RCC1: variants seen among roughly 807,000 people sequenced by gnomAD.
The protein encoded by RCC1 is regulator of chromosome condensation.
A neutral mutation model predicts 44.4 loss-of-function variants in RCC1; 11 were observed. The ratio of observed to expected loss-of-function variants is 0.25; its 90% CI spans 0.16 to 0.41. RCC1 has a LOEUF of 0.41. Ranked by LOEUF, RCC1 falls within the 10% of genes least tolerant of loss-of-function variation. The pLI is 1.00. For missense variants in RCC1, 386 were observed against 547.1 expected, an observed-to-expected ratio of 0.71 and a Z score of 2.94; for synonymous variants, 213 against 216.5, an observed-to-expected ratio of 0.98 and a Z score of 0.14.
chr1:28,508,742 C>CA (rs1379778856), intron 2 of RCC1, 88 bp from the exon 3 acceptor site: 1 of 516,562 alleles, frequency 1.9e-6, no homozygotes, highest in South Asian at 1.4e-5. Flanking sequence ...ACTGGGGAGA[C>CA]AAACCATGCA....
chr1:28,532,436 C>G, intron 7 of RCC1, 86 bp downstream of exon 7: 1 of 1,428,482 alleles, frequency 7.0e-7, no homozygotes, highest in Non-Finnish European at 9.6e-7. Flanking sequence ...TCCATGCCCC[C>G]ATGGTACTTA....
chr1:28,507,177 A>T (rs1374185619), intron 1 of RCC1: 1 of 355,806 alleles, frequency 2.8e-6, no homozygotes, highest in South Asian at 2.1e-5. Context: ...CATAGTACTA[A>T]CCGCCTATTG....
At chr1:28,525,515 C>G (rs1663590024) in intron 4 of RCC1, among the ~76,000 whole-genome samples, 1 of 152,176 alleles carries the variant, frequency 6.6e-6, no homozygotes, top group African/African-American at 2.4e-5. Context: ...AACTGGCCAG[C>G]CACAAGCTCT....
chr1:28,526,435 C>T (rs367641465), intron 4 of RCC1: 37 of 477,144 alleles, frequency 7.8e-5, no homozygotes, highest in East Asian at 2.1e-4. Flanking sequence ...GACAAGGGTG[C>T]GATGTTTATG....
At chr1:28,519,862 C>T (rs1355350625) in intron 4 of RCC1, among the ~76,000 whole-genome samples, 5 of 151,172 alleles carry the variant, frequency 3.3e-5, no homozygotes, top group Admixed American at 1.3e-4. Flanking sequence ...TGTGAGCCAC[C>T]GCACCCGGCC....
At chr1:28,520,652 G>A (rs1340451325) in intron 4 of RCC1, among the ~76,000 whole-genome samples, 3 of 152,104 alleles carry the variant, frequency 2.0e-5, no homozygotes, top group Non-Finnish European at 4.4e-5. Context: ...ATCTGTGACT[G>A]TCTCACTCTT....
chr1:28,526,638 G>A (rs1663681425), intron 4 of RCC1: 4 of 497,424 alleles, frequency 8.0e-6, no homozygotes, highest in Non-Finnish European at 1.5e-5. Flanking sequence ...GCTCACACCT[G>A]TAATCCCAGC....
At chr1:28,507,277 T>C in intron 1 of RCC1, 1 of 487,162 alleles carries the variant, frequency 2.1e-6, no homozygotes, top group Non-Finnish European at 4.2e-6. Context: ...TGGAAACTCG[T>C]TTGCTTTCTT....
rs570830853 is a variant in RCC1, at chr1:28,523,255, A to T, written c.-10+6388A>T. ...ACCGTGGTCTCGATCTCCTGACCTC[A>T]TGATCCGCCCGCCTCGGCCTCCCAA... On this transcript the variant is annotated intron_variant, in intron 4 of 12. Transcript: ENST00000683442. Among the ~76,000 whole-genome samples the T allele has an allele frequency of 3.3e-3, 508 of 151,966 alleles. 3 individuals are homozygous for T. Among genetic ancestry groups the T allele is most frequent in the African/African-American group, 0.011 (465 of 41,462 alleles).
At position 28,536,161 on chromosome 1, in the gene RCC1, A is replaced by G. The variant is rs1664545160; in HGVS notation, c.818-101A>G. 6.5e-7 allele frequency: 1 copy of G among 1,548,210 alleles called. No homozygotes were observed. The highest frequency in any genetic ancestry group is 8.7e-7 in the Non-Finnish European group (1 of 1,144,656). On this transcript the variant is annotated intron_variant, in intron 10 of 12. Transcript: ENST00000683442. This position sits in a 1 kb window ranked among gnomAD's most constrained non-coding sequence, Gnocchi z 4.9. Reference sequence around the variant, plus strand: ...CAGTTTTGTCATCTGTAAAGTGAGAATGTCCATATCCTGATGGGAGGTGGC... The same window carrying G: ...CAGTTTTGTCATCTGTAAAGTGAGAGTGTCCATATCCTGATGGGAGGTGGC...
intron 3 of RCC1, chr1:28,510,202 T>C (rs558864477): frequency 6.6e-6 from 1 of 152,312 alleles, no homozygotes; most frequent in Non-Finnish European, 1.5e-5. Flanking sequence ...GATTGGAGTT[T>C]GGTGGACTGT....
chr1:28,514,780 T>C (rs1054165369), intron 3 of RCC1, among the ~76,000 whole-genome samples: 4 of 151,362 alleles, frequency 2.6e-5, no homozygotes, highest in African/African-American at 9.7e-5. Flanking sequence ...AAAACAATCT[T>C]CCGGCTGGGC....
In RCC1 at chr1:28,535,924, C is replaced by G; in HGVS notation, c.715C>G (p.His239Asp). Residue 239 changes from histidine to aspartate, a missense_variant, in exon 10 of 13, where the codon CAC (histidine) becomes GAC (aspartate). By Grantham distance (81) the His-to-Asp change is moderately conservative. Transcript: ENST00000683442. ...VMLKSRGSRG[H>D]VRFQDAFCGA... Reference sequence around the variant, plus strand: ...GCTGAAATCCAGGGGAAGCCGGGGCCACGTGAGATTCCAGGATGCCTTTTG... The same window carrying G: ...GCTGAAATCCAGGGGAAGCCGGGGCGACGTGAGATTCCAGGATGCCTTTTG... 1.2e-6 allele frequency: 2 copies of G among 1,614,116 alleles called. No individual in the cohort carries two copies. Among genetic ancestry groups the G allele is most frequent in the South Asian group, 2.2e-5 (2 of 91,076 alleles).
intron 7 of RCC1, among the ~76,000 whole-genome samples, chr1:28,533,845 C>CTTT (rs1168443435): frequency 8.5e-5 from 4 of 46,878 alleles, no homozygotes; most frequent in South Asian, 1.1e-3. Flanking sequence ...CTTTTCTTTT[C>CTTT]TTTTTTTTTT....
chr1:28,517,517 G>A (rs1314454249), intron 4 of RCC1, among the ~76,000 whole-genome samples: 1 of 152,090 alleles, frequency 6.6e-6, no homozygotes, highest in Non-Finnish European at 1.5e-5. Flanking sequence ...GTGTTCACAC[G>A]CATATGAGAT....
chr1:28,535,429 A>G, intron 9 of RCC1, 49 bp downstream of exon 9: 1 of 1,608,582 alleles, frequency 6.2e-7, no homozygotes. Context: ...GGCCACCCCC[A>G]CAGTGAAGGC....
At chr1:28,514,362 A>T (rs1434220861) in intron 3 of RCC1, among the ~76,000 whole-genome samples, 1 of 151,458 alleles carries the variant, frequency 6.6e-6, no homozygotes, top group East Asian at 1.9e-4. Context: ...AGGCAGGAGA[A>T]TGGCATGAAC....
At chr1:28,519,352 G>A (rs1292828420) in intron 4 of RCC1, among the ~76,000 whole-genome samples, 1 of 152,062 alleles carries the variant, frequency 6.6e-6, no homozygotes, top group African/African-American at 2.4e-5. Flanking sequence ...GAGGAGGCAG[G>A]GAAGATTTCC....
rs1664667571 is a variant in RCC1 at position 28,538,081 on chromosome 1, A to ATGGC, written c.*75_*78dup. 7.0e-7 allele frequency: 1 copy of ATGGC among 1,422,790 alleles called. No individual in the cohort carries two copies. 88.1% of individuals were successfully genotyped at this position (1,422,790 alleles called of 1,614,324 possible). On this transcript the variant is annotated 3_prime_UTR_variant, in exon 13 of 13. Coordinates refer to ENST00000683442, the MANE Select transcript of RCC1 (RefSeq NM_001381865.2). ...AACAGGGAAGCAGTGACAGCTGCAGATGGCAGCGGGCCTCTCCCCAGCCCT... is the reference window on the plus strand; with the variant it reads ...AACAGGGAAGCAGTGACAGCTGCAGATGGCTGGCAGCGGGCCTCTCCCCAGCCCT...
Sources: allele counts gnomAD v4.1 joint callset (sites outside exome capture counted in the v4.1 genomes callset), GRCh38; gene constraint gnomAD v4.1.1; non-coding constraint Gnocchi (gnomAD v3.1); transcripts MANE v1.5; gene names NCBI Gene and HGNC (gene_info 2026-07-23, HGNC 2026-07-21).